ZP3: variants seen among roughly 807,000 people sequenced by gnomAD.
The protein encoded by ZP3 is zona pellucida sperm-binding protein 3.
A neutral mutation model predicts 35.6 loss-of-function variants in ZP3; 21 were observed. The observed-to-expected ratio is 0.59, with a 90% CI of 0.42 to 0.85. The LOEUF (loss-of-function observed/expected upper bound fraction) is 0.85, where lower values mean the gene tolerates loss of function less well. Ranked by LOEUF, ZP3 falls within the 40% of genes least tolerant of loss-of-function variation. The probability of loss-of-function intolerance (pLI) is 0.00; values close to 1 mark genes in which losing one functional copy is unlikely to be tolerated. For synonymous variants in ZP3, 207 were observed against 214.5 expected (o/e 0.96, Z 0.31); for missense variants, 437 against 536.5 (o/e 0.81, Z 1.83).
intron 7 of ZP3, among the ~76,000 whole-genome samples, chr7:76,441,126 G>A (rs1036912206): frequency 2.5e-4 from 37 of 150,852 alleles, no homozygotes; most frequent in African/African-American, 8.8e-4. Flanking sequence ...AGCCGAGATT[G>A]CACCATTGTA....
At chr7:76,419,278 C>T (rs959925986) in intron 1 of ZP3, among the ~76,000 whole-genome samples, 1 of 152,196 alleles carries the variant, frequency 6.6e-6, no homozygotes, top group East Asian at 1.9e-4. Context: ...TCACTCTGCC[C>T]TGAAGATCAT....
intron 1 of ZP3, among the ~76,000 whole-genome samples, chr7:76,405,372 G>T (rs1364955382): frequency 1.1e-5 from 1 of 92,166 alleles, no homozygotes; most frequent in African/African-American, 4.4e-5. Context: ...GGTAGAGAGG[G>T]TGTTTCACCA....
intron 1 of ZP3, chr7:76,400,145 C>G: frequency 1.0e-6 from 1 of 975,616 alleles, no homozygotes; most frequent in Non-Finnish European, 1.4e-6. Context: ...TGGGGTTCTT[C>G]CCTGGCACCA....
chr7:76,399,799 C>T (rs1433891920), intron 1 of ZP3, among the ~76,000 whole-genome samples: 1 of 152,154 alleles, frequency 6.6e-6, no homozygotes, highest in Non-Finnish European at 1.5e-5. Flanking sequence ...GCTGGAGTTA[C>T]TGGCATAAAC....
In ZP3 at chr7:76,425,180, C is replaced by G. The variant is rs780286641; in HGVS notation, c.216C>G (p.Thr72=). ...TGKLIRAADL[T]LGPEACEPLV... ...AGCTCATCAGGGCTGCTGACCTCAC[C>G]TTGGGCCCAGAGGCCTGTGAGCCTC... Residue 72 remains threonine, a synonymous_variant, in exon 1 of 8, where the codon ACC becomes ACG. Coordinates refer to ENST00000394857, the MANE Select transcript of ZP3 (RefSeq NM_001110354.2). 3.7e-6 allele frequency: 6 copies of G among 1,614,016 alleles called. No individual in the cohort carries two copies. The highest frequency in any genetic ancestry group is 5.1e-6 in the Non-Finnish European group (6 of 1,180,034).
At chr7:76,416,722 C>G (rs1805377591) in intron 1 of ZP3, among the ~76,000 whole-genome samples, 1 of 151,614 alleles carries the variant, frequency 6.6e-6, no homozygotes, top group Non-Finnish European at 1.5e-5. Context: ...TCGCTTAAGC[C>G]TGCGAGACAC....
chr7:76,431,249 A>G (rs1296146287), intron 2 of ZP3, among the ~76,000 whole-genome samples: 1 of 152,200 alleles, frequency 6.6e-6, no homozygotes, highest in Non-Finnish European at 1.5e-5. Flanking sequence ...TAGAGGAGTC[A>G]AGGGCAGGCT....
rs758754773 is a variant in ZP3, at chr7:76,425,075, G to C, written c.111G>C (p.Thr37=). 1 of 1,613,340 alleles carries C rather than the reference G, an allele frequency of 6.2e-7. No homozygotes were observed. The highest frequency in any genetic ancestry group is 2.2e-5 in the East Asian group (1 of 44,876). Residue 37 remains threonine, a synonymous_variant, in exon 1 of 8, where the codon ACG becomes ACC. Transcript: ENST00000394857. The part of the protein sequence containing the change: ...LLQGGASHPE[T]SVQPVLVECQ... ...AGGGTGGAGCCAGCCATCCTGAGAC[G>C]TCCGTACAGCCCGTACTGGTGGAGT...
intron 1 of ZP3, among the ~76,000 whole-genome samples, chr7:76,418,692 TA>T (rs1472071193): frequency 2.7e-5 from 4 of 150,882 alleles, no homozygotes; most frequent in Admixed American, 1.3e-4. Context: ...CCATCTCTAC[TA>T]AAAATACAAA....
At chr7:76,421,268 A>G (rs1337688383), upstream of ZP3, among the ~76,000 whole-genome samples, 1 of 151,644 alleles carries the variant, frequency 6.6e-6, no homozygotes, top group African/African-American at 2.4e-5. Flanking sequence ...GTCTCACTCT[A>G]TTGCCCAGGC....
At chr7:76,436,542 A>T (rs1806020425) in intron 5 of ZP3, among the ~76,000 whole-genome samples, 1 of 152,228 alleles carries the variant, frequency 6.6e-6, no homozygotes, top group Admixed American at 6.5e-5. Flanking sequence ...ATGCCACTTC[A>T]CCTCCTCCAG....
At chr7:76,405,271 T>TTATATATA (rs1171830870) in intron 1 of ZP3, among the ~76,000 whole-genome samples, 93 of 9,118 alleles carry the variant, frequency 0.01, 4 homozygotes, top group Non-Finnish European at 0.014. Flanking sequence ...ACCCAGCTAA[T>TTATATATA]TATATATATA....
At chr7:76,441,582 CT>C (rs1480930435) in intron 7 of ZP3, among the ~76,000 whole-genome samples, 1 of 151,924 alleles carries the variant, frequency 6.6e-6, no homozygotes, top group African/African-American at 2.4e-5. Flanking sequence ...AGAGACGGGT[CT>C]TGCCGTGTTG....
intron 1 of ZP3, among the ~76,000 whole-genome samples, chr7:76,398,050 T>TGGCCTG: frequency 6.6e-6 from 1 of 152,240 alleles, no homozygotes; most frequent in Admixed American, 6.5e-5. Context: ...CCCTGTCTCC[T>TGGCCTG]GGCAGCCTGG....
chr7:76,432,378 G>T (rs1805857105), intron 2 of ZP3, among the ~76,000 whole-genome samples: 1 of 152,004 alleles, frequency 6.6e-6, no homozygotes, highest in Non-Finnish European at 1.5e-5. Flanking sequence ...TGGAGATGGG[G>T]TTTCACCATG....
chr7:76,405,357 T>C (rs1179279391), intron 1 of ZP3, among the ~76,000 whole-genome samples: 1 of 121,298 alleles, frequency 8.2e-6, no homozygotes, highest in Non-Finnish European at 1.8e-5. Context: ...TTTTTTTTTT[T>C]TTTTGGTAGA....
Position 76,434,137 on chromosome 7 carries a change from T to C in ZP3, c.813T>C (p.Ala271=), listed in dbSNP as rs1197072009. The part of the protein sequence containing the change: ...LQFTVDVFHF[A]NDSRNMIYIT... ...TCACAGTGGATGTCTTCCACTTTGC[T>C]AATGACTCCAGAAACATGGTAAGAG... Residue 271 remains alanine, a synonymous_variant, in exon 5 of 8, where the codon GCT becomes GCC. Coordinates refer to ENST00000394857, the MANE Select transcript of ZP3 (RefSeq NM_001110354.2). The C allele has an allele frequency of 7.6e-7, 1 of 1,315,518 alleles. No individual in the cohort carries two copies. The highest frequency in any genetic ancestry group is 1.1e-6 in the Non-Finnish European group (1 of 942,150). The allele number at this position is 1,315,518 out of a possible 1,614,324, so 81.5% of individuals were successfully genotyped here.
upstream of ZP3, among the ~76,000 whole-genome samples, chr7:76,424,520 C>G (rs532489947): frequency 2.0e-5 from 3 of 152,306 alleles, no homozygotes; most frequent in South Asian, 6.2e-4. Flanking sequence ...GTAATCCCAG[C>G]TATTTGGGAG....
intron 1 of ZP3, among the ~76,000 whole-genome samples, chr7:76,407,550 A>G (rs1563688299): frequency 6.6e-6 from 1 of 152,018 alleles, no homozygotes; most frequent in African/African-American, 2.4e-5. Flanking sequence ...TAGGCAACAT[A>G]GTGAGACCCC....
Sources: allele counts gnomAD v4.1 joint callset (sites outside exome capture counted in the v4.1 genomes callset), GRCh38; gene constraint gnomAD v4.1.1; transcripts MANE v1.5; gene names NCBI Gene and HGNC (gene_info 2026-07-23, HGNC 2026-07-21).